Variants in GPC5 observed in about 807,000 individuals in gnomAD.
GPC5 encodes the protein glypican 5, also known as glypican-5.
GPC5 carries 47 observed loss-of-function variants against 53.9 expected under a neutral mutation model. The observed-to-expected ratio is 0.87, with a 90% CI of 0.69 to 1.11. The LOEUF (loss-of-function observed/expected upper bound fraction) is 1.11, where lower values mean the gene tolerates loss of function less well. Ranked by LOEUF, GPC5 falls within the 50% of genes most tolerant of loss-of-function variation. GPC5 has a pLI of 0.00. For missense variants in GPC5, 748 were observed against 713.1 expected, an observed-to-expected ratio of 1.05 and a Z score of -0.56; for synonymous variants, 286 against 263.3, an observed-to-expected ratio of 1.09 and a Z score of -0.84.
At chr13:92,856,075 A>G (rs1157363150) in intron 7 of GPC5, among the ~76,000 whole-genome samples, 2 of 152,140 alleles carry the variant, frequency 1.3e-5, no homozygotes, top group African/African-American at 4.8e-5. Context: ...ACAGCAGGCC[A>G]GTATCCCTGA....
At chr13:92,309,401 T>C (rs189390938) in intron 7 of GPC5, among the ~76,000 whole-genome samples, 41 of 152,134 alleles carry the variant, frequency 2.7e-4, no homozygotes, top group Non-Finnish European at 4.7e-4. Context: ...ATTAAACATA[T>C]GGATTATTGT....
At chr13:92,517,785 A>G (rs1475878694) in intron 7 of GPC5, among the ~76,000 whole-genome samples, 2 of 152,224 alleles carry the variant, frequency 1.3e-5, no homozygotes, top group African/African-American at 4.8e-5. Context: ...CTCCCCCTCC[A>G]AAGGAATGCA....
At chr13:91,472,463 T>C (rs1405251247) in intron 2 of GPC5, among the ~76,000 whole-genome samples, 3 of 152,192 alleles carry the variant, frequency 2.0e-5, no homozygotes, top group African/African-American at 7.2e-5. Context: ...AAGAGAGATA[T>C]GAGAACTGAG....
chr13:92,152,854 C>T (rs879449173), intron 7 of GPC5, among the ~76,000 whole-genome samples: 7 of 152,120 alleles, frequency 4.6e-5, no homozygotes, highest in South Asian at 2.1e-4. Context: ...AACCCTCCAC[C>T]GAGTCCAAGA....
chr13:91,959,347 C>CAAAT (rs3029788), intron 6 of GPC5, among the ~76,000 whole-genome samples: 95,540 of 151,120 alleles, frequency 0.63, 30,722 homozygotes, highest in East Asian at 0.75. Flanking sequence ...CACTGAATGA[C>CAAAT]AAATAGAAAA....
At chr13:92,361,933 T>C (rs2043570911) in intron 7 of GPC5, among the ~76,000 whole-genome samples, 1 of 151,554 alleles carries the variant, frequency 6.6e-6, no homozygotes, top group South Asian at 2.1e-4. Flanking sequence ...GTAACATAAA[T>C]GTAAGACACC....
intron 7 of GPC5, among the ~76,000 whole-genome samples, chr13:92,212,146 A>G (rs1272675761): frequency 6.6e-6 from 1 of 152,078 alleles, no homozygotes; most frequent in African/African-American, 2.4e-5. Flanking sequence ...CAGAAAATCT[A>G]TCCTGAGAGG....
At chr13:92,081,171 C>A (rs777364118) in intron 6 of GPC5, among the ~76,000 whole-genome samples, 6 of 151,998 alleles carry the variant, frequency 3.9e-5, no homozygotes, top group Admixed American at 1.3e-4. Context: ...TGGAGTGGCA[C>A]GATCACTGCA....
At chr13:91,410,563 G>A (rs1289747936) in intron 1 of GPC5, among the ~76,000 whole-genome samples, 2 of 151,528 alleles carry the variant, frequency 1.3e-5, no homozygotes, top group East Asian at 3.9e-4. Flanking sequence ...AGCCAGGATG[G>A]TCTCGATCTC....
chr13:91,623,846 C>T (rs559637234), intron 2 of GPC5, among the ~76,000 whole-genome samples: 2 of 151,882 alleles, frequency 1.3e-5, no homozygotes, highest in East Asian at 1.9e-4. Flanking sequence ...CTGCATGGGA[C>T]GTAAGAGTAT....
At chr13:92,681,294 A>G (rs187030949) in intron 7 of GPC5, among the ~76,000 whole-genome samples, 102 of 152,156 alleles carry the variant, frequency 6.7e-4, no homozygotes, top group Admixed American at 2.7e-3. Context: ...TGTTATTCAA[A>G]TTGGTACACA....
intron 7 of GPC5, among the ~76,000 whole-genome samples, chr13:92,522,021 G>GA (rs1881072604): frequency 6.6e-6 from 1 of 152,154 alleles, no homozygotes; most frequent in South Asian, 2.1e-4. Flanking sequence ...ACAGACACAT[G>GA]AAAAAATGTT....
At chr13:92,662,999 C>A (rs944562134) in intron 7 of GPC5, among the ~76,000 whole-genome samples, 1 of 152,102 alleles carries the variant, frequency 6.6e-6, no homozygotes, top group African/African-American at 2.4e-5. Flanking sequence ...TGTTAAGAAC[C>A]AAACACATGA....
intron 7 of GPC5, among the ~76,000 whole-genome samples, chr13:92,453,687 G>A (rs1284693603): frequency 6.6e-6 from 1 of 151,874 alleles, no homozygotes; most frequent in Non-Finnish European, 1.5e-5. Flanking sequence ...TCTCTCTTAC[G>A]AAAAAAATAA....
intron 2 of GPC5, among the ~76,000 whole-genome samples, chr13:91,464,692 G>A (rs1484508238): frequency 6.6e-6 from 1 of 152,220 alleles, no homozygotes; most frequent in South Asian, 2.1e-4. Context: ...AAGAGGGAAA[G>A]GTGGACGTGT....
At chr13:92,519,143 C>G (rs1287326700) in intron 7 of GPC5, among the ~76,000 whole-genome samples, 1 of 152,148 alleles carries the variant, frequency 6.6e-6, no homozygotes, top group African/African-American at 2.4e-5. Context: ...TCTTAGAGAT[C>G]TACAAAGAGA....
chr13:91,974,362 A>G (rs1247143619), intron 6 of GPC5, among the ~76,000 whole-genome samples: 6 of 152,190 alleles, frequency 3.9e-5, no homozygotes, highest in Admixed American at 1.3e-4. Flanking sequence ...TTGTATATCT[A>G]GAAAAACCCA....
At chr13:91,733,351 T>C (rs910008032) in intron 4 of GPC5, among the ~76,000 whole-genome samples, 3 of 152,192 alleles carry the variant, frequency 2.0e-5, no homozygotes, top group Non-Finnish European at 2.9e-5. Flanking sequence ...GCCAGGCTGG[T>C]CTCAAACTCC....
At chr13:91,607,010 T>C (rs1265951545) in intron 2 of GPC5, among the ~76,000 whole-genome samples, 2 of 151,980 alleles carry the variant, frequency 1.3e-5, no homozygotes, top group Non-Finnish European at 2.9e-5. Context: ...TTTGAATGTG[T>C]TTGCTCTTGC....
Sources: gnomAD v4.1 joint callset for allele counts (sites outside exome capture counted in the v4.1 genomes callset) on GRCh38, gnomAD v4.1.1 for gene constraint, MANE v1.5 for transcripts, NCBI Gene and HGNC (gene_info 2026-07-23, HGNC 2026-07-21) for gene names.